Variants in KCND2 observed in about 807,000 individuals in gnomAD.
The protein encoded by KCND2 is A-type voltage-gated potassium channel KCND2.
KCND2 carries 16 observed loss-of-function variants against 54.4 expected under a neutral mutation model. The observed-to-expected ratio is 0.29, with a 90% confidence interval of 0.20 to 0.45. The LOEUF (loss-of-function observed/expected upper bound fraction) is 0.45. Among genes scored for constraint, KCND2 ranks in the 20% least tolerant of loss-of-function variants. KCND2 has a pLI of 1.00. For missense variants in KCND2, 486 were observed against 824.2 expected (o/e 0.59, Z 5.02); for synonymous variants, 317 against 310.7 (o/e 1.02, Z -0.21).
chr7:120,330,866 A>G (rs921339435), intron 1 of KCND2, among the ~76,000 whole-genome samples: 5 of 152,160 alleles, frequency 3.3e-5, no homozygotes, highest in Non-Finnish European at 4.4e-5. Flanking sequence ...CAAGACCTCA[A>G]TAAGGACTTT....
intron 1 of KCND2, among the ~76,000 whole-genome samples, chr7:120,685,110 G>A (rs1463020432): frequency 1.3e-5 from 2 of 152,090 alleles, no homozygotes; most frequent in Admixed American, 1.3e-4. Context: ...CACGAAATTG[G>A]TCCTTGGTGC....
intron 1 of KCND2, among the ~76,000 whole-genome samples, chr7:120,555,627 T>G (rs1203729018): frequency 6.6e-6 from 1 of 152,200 alleles, no homozygotes. Context: ...AAAATCTGAG[T>G]GTAAAAGCAG....
chr7:120,601,632 A>G (rs778117339), intron 1 of KCND2, among the ~76,000 whole-genome samples: 6 of 152,162 alleles, frequency 3.9e-5, no homozygotes, highest in Non-Finnish European at 5.9e-5. Flanking sequence ...AAAGAAGTCT[A>G]ACTCTATGTT....
intron 1 of KCND2, among the ~76,000 whole-genome samples, chr7:120,691,272 G>T (rs1410295568): frequency 1.3e-5 from 2 of 152,152 alleles, no homozygotes; most frequent in Non-Finnish European, 2.9e-5. Flanking sequence ...GATCTCTTTG[G>T]CTACTAGGCT....
intron 1 of KCND2, among the ~76,000 whole-genome samples, chr7:120,594,067 A>G (rs1410611355): frequency 6.6e-6 from 1 of 152,180 alleles, no homozygotes; most frequent in African/African-American, 2.4e-5. Flanking sequence ...AACTTTTGGA[A>G]CTCTGATACA....
At chr7:120,300,767 A>G (rs1264293943) in intron 1 of KCND2, among the ~76,000 whole-genome samples, 1 of 152,080 alleles carries the variant, frequency 6.6e-6, no homozygotes, top group Non-Finnish European at 1.5e-5. Context: ...TGATTTTTAT[A>G]GGCCAACTTT....
intron 1 of KCND2, among the ~76,000 whole-genome samples, chr7:120,709,817 A>G (rs906693420): frequency 3.3e-5 from 5 of 152,156 alleles, no homozygotes; most frequent in African/African-American, 1.2e-4. Flanking sequence ...GAACTCTTAC[A>G]TACCATGGGT....
intron 1 of KCND2, among the ~76,000 whole-genome samples, chr7:120,534,294 A>T (rs754639293): frequency 6.6e-6 from 1 of 152,136 alleles, no homozygotes; most frequent in Non-Finnish European, 1.5e-5. Context: ...GTACCATTGC[A>T]TGATGTAATA....
chr7:120,327,485 A>G (rs906221831), intron 1 of KCND2, among the ~76,000 whole-genome samples: 1 of 152,094 alleles, frequency 6.6e-6, no homozygotes, highest in Non-Finnish European at 1.5e-5. Context: ...AACTGTAAAT[A>G]GGAGTATTCA....
chr7:120,616,367 G>C (rs1443150711), intron 1 of KCND2, among the ~76,000 whole-genome samples: 1 of 152,134 alleles, frequency 6.6e-6, no homozygotes, highest in African/African-American at 2.4e-5. Context: ...CATGTCCTAT[G>C]CACTATTCTA....
chr7:120,470,933 G>C (rs1346317036), intron 1 of KCND2, among the ~76,000 whole-genome samples: 1 of 152,004 alleles, frequency 6.6e-6, no homozygotes, highest in Non-Finnish European at 1.5e-5. Context: ...ATAGAGCTTA[G>C]TAACTTCCCA....
chr7:120,522,709 T>G (rs2116349441), intron 1 of KCND2, among the ~76,000 whole-genome samples: 1 of 152,294 alleles, frequency 6.6e-6, no homozygotes, highest in South Asian at 2.1e-4. Context: ...TTCAGATTCT[T>G]TATATTCTAA....
chr7:120,726,044 A>G (rs1296537301), intron 1 of KCND2, among the ~76,000 whole-genome samples: 1 of 152,200 alleles, frequency 6.6e-6, no homozygotes, highest in Non-Finnish European at 1.5e-5. Flanking sequence ...TTTAAAATAC[A>G]CTGTTAAAAG....
At chr7:120,674,434 C>T (rs1792032546) in intron 1 of KCND2, among the ~76,000 whole-genome samples, 1 of 150,130 alleles carries the variant, frequency 6.7e-6, no homozygotes, top group Non-Finnish European at 1.5e-5. Context: ...TCTTTGTATC[C>T]TGAGGGTCCG....
chr7:120,605,052 T>G (rs1386218706), intron 1 of KCND2, among the ~76,000 whole-genome samples: 1 of 152,234 alleles, frequency 6.6e-6, no homozygotes, highest in Non-Finnish European at 1.5e-5. Flanking sequence ...TCAAGATGTT[T>G]TCACATCAGT....
At chr7:120,373,009 A>T (rs1277640658) in intron 1 of KCND2, among the ~76,000 whole-genome samples, 1 of 151,776 alleles carries the variant, frequency 6.6e-6, no homozygotes, top group Non-Finnish European at 1.5e-5. Flanking sequence ...GGATCCTTTA[A>T]CTTCACGAGA....
At chr7:120,366,975 T>C (rs565333722) in intron 1 of KCND2, among the ~76,000 whole-genome samples, 1 of 152,224 alleles carries the variant, frequency 6.6e-6, no homozygotes, top group African/African-American at 2.4e-5. Flanking sequence ...TTAGATAATA[T>C]ACATGAGAGC....
chr7:120,536,368 G>A (rs1027531247), intron 1 of KCND2, among the ~76,000 whole-genome samples: 5 of 152,156 alleles, frequency 3.3e-5, no homozygotes, highest in Middle Eastern at 3.4e-3. Flanking sequence ...TGGTGTTCCC[G>A]AAGGTTCAGT....
At chr7:120,725,118 C>G (rs573752652) in intron 1 of KCND2, among the ~76,000 whole-genome samples, 2 of 152,164 alleles carry the variant, frequency 1.3e-5, no homozygotes, top group South Asian at 4.2e-4. Flanking sequence ...AAAGCACAAG[C>G]TAAAGAACGC....
Sources: gnomAD v4.1 joint callset for allele counts (sites outside exome capture counted in the v4.1 genomes callset) on GRCh38, gnomAD v4.1.1 for gene constraint, MANE v1.5 for transcripts, NCBI Gene and HGNC (gene_info 2026-07-23, HGNC 2026-07-21) for gene names.